Variants in PUM1 observed in about 807,000 individuals in gnomAD.
PUM1 encodes pumilio RNA binding family member 1, also known as pumilio homolog 1.
In PUM1, 13 loss-of-function variants were observed where a neutral mutation model predicts 131.8. The observed-to-expected ratio is 0.10, with a 90% CI of 0.06 to 0.16. The LOEUF (loss-of-function observed/expected upper bound fraction) is 0.16, where lower values mean the gene tolerates loss of function less well. Ranked by LOEUF, PUM1 falls within the 10% of genes least tolerant of loss-of-function variation. PUM1 has a pLI of 1.00. For synonymous variants in PUM1, 509 were observed against 556.5 expected (o/e 0.91, Z 1.20); for missense variants, 961 against 1,512.4 (o/e 0.64, Z 6.05).
intron 21 of PUM1, among the ~76,000 whole-genome samples, chr1:30,933,756 G>A (rs1162552541): frequency 1.3e-5 from 2 of 152,224 alleles, no homozygotes; most frequent in Non-Finnish European, 2.9e-5. Flanking sequence ...CGGCATCCAG[G>A]CTCTCCTGAG....
intron 3 of PUM1, among the ~76,000 whole-genome samples, chr1:31,011,988 C>T (rs1642636026): frequency 6.6e-6 from 1 of 152,122 alleles, no homozygotes; most frequent in African/African-American, 2.4e-5. Flanking sequence ...CATTTAAGGG[C>T]AGGGCATATG....
At chr1:30,996,387 G>A (rs994558104) in intron 5 of PUM1, among the ~76,000 whole-genome samples, 3 of 152,140 alleles carry the variant, frequency 2.0e-5, no homozygotes, top group Non-Finnish European at 2.9e-5. Context: ...GCAGACACTC[G>A]GTTATAAATA....
At chr1:31,016,255 T>C (rs1282450085) in intron 3 of PUM1, among the ~76,000 whole-genome samples, 1 of 152,170 alleles carries the variant, frequency 6.6e-6, no homozygotes, top group African/African-American at 2.4e-5. Context: ...TTCCAAAACA[T>C]TTCTGGCCCC....
chr1:31,017,524 CTTT>C (rs747554543), intron 3 of PUM1, among the ~76,000 whole-genome samples: 1 of 145,080 alleles, frequency 6.9e-6, no homozygotes. Flanking sequence ...TTTTTTTCTT[CTTT>C]TTTTTTTTTA....
intron 2 of PUM1, among the ~76,000 whole-genome samples, chr1:31,035,461 C>A (rs374558431): frequency 1.3e-5 from 2 of 151,720 alleles, no homozygotes; most frequent in East Asian, 3.9e-4. Flanking sequence ...GGAAGCAAAG[C>A]AAGAAGTTGG....
chr1:30,952,478 G>C, intron 15 of PUM1, 115 bp from the exon 16 acceptor site: 3 of 1,436,750 alleles, frequency 2.1e-6, no homozygotes, highest in Non-Finnish European at 2.8e-6. Context: ...GAGCATGTGT[G>C]CACACACATG....
chr1:31,018,440 G>C (rs1642902055), intron 3 of PUM1, among the ~76,000 whole-genome samples: 1 of 152,120 alleles, frequency 6.6e-6, no homozygotes, highest in South Asian at 2.1e-4. Flanking sequence ...TGGATCACCT[G>C]AGGTCAGGAG....
chr1:30,937,069 C>G (rs1432953699), intron 20 of PUM1, among the ~76,000 whole-genome samples: 2 of 152,122 alleles, frequency 1.3e-5, no homozygotes, highest in African/African-American at 4.8e-5. Flanking sequence ...CAGATTTTTT[C>G]TCCAATCCAC....
chr1:30,993,989 G>T (rs970755197), intron 6 of PUM1, among the ~76,000 whole-genome samples: 1 of 152,194 alleles, frequency 6.6e-6, no homozygotes, highest in Non-Finnish European at 1.5e-5. Context: ...AAGACTGCTT[G>T]AACTCAGGAG....
At chr1:30,968,106 G>T in intron 11 of PUM1, 2 of 656,482 alleles carry the variant, frequency 3.0e-6, no homozygotes, top group South Asian at 1.4e-5. Context: ...AATCCACCAA[G>T]GAAAAACCAC....
chr1:31,023,152 T>C (rs777401474), intron 3 of PUM1, among the ~76,000 whole-genome samples: 4 of 150,500 alleles, frequency 2.7e-5, no homozygotes, highest in Non-Finnish European at 5.9e-5. Flanking sequence ...CCAGCGTGGG[T>C]GACAGAGTGA....
intron 7 of PUM1, among the ~76,000 whole-genome samples, chr1:30,988,079 T>C (rs1405853398): frequency 1.3e-5 from 2 of 152,260 alleles, no homozygotes; most frequent in African/African-American, 4.8e-5. Flanking sequence ...TCCTACTTTA[T>C]ACATTTTAAA....
intron 3 of PUM1, among the ~76,000 whole-genome samples, chr1:31,020,903 T>C (rs1202610887): frequency 6.6e-6 from 1 of 152,206 alleles, no homozygotes; most frequent in East Asian, 1.9e-4. Context: ...TATGGTTCCT[T>C]ATTAGCAAGG....
chr1:30,971,485 A>G (rs1640870181), intron 10 of PUM1, among the ~76,000 whole-genome samples: 1 of 152,218 alleles, frequency 6.6e-6, no homozygotes, highest in South Asian at 2.1e-4. Flanking sequence ...TTATAACAAA[A>G]ATATATGCAT....
At chr1:30,948,168 T>C (rs1639761398) in intron 17 of PUM1, among the ~76,000 whole-genome samples, 1 of 152,054 alleles carries the variant, frequency 6.6e-6, no homozygotes, top group Non-Finnish European at 1.5e-5. Flanking sequence ...TAATTTACTC[T>C]GAAAATACAA....
chr1:31,062,964 C>T (rs1644401910), intron 1 of PUM1, among the ~76,000 whole-genome samples: 1 of 152,204 alleles, frequency 6.6e-6, no homozygotes, highest in African/African-American at 2.4e-5. Context: ...CCATCAGAAC[C>T]TTAGCAGGGT....
At chr1:30,978,769 C>T (rs1170966842) in intron 9 of PUM1, among the ~76,000 whole-genome samples, 1 of 152,084 alleles carries the variant, frequency 6.6e-6, no homozygotes, top group Admixed American at 6.6e-5. Flanking sequence ...AACAAAGATG[C>T]CTGTCTTTTA....
At chr1:30,977,070 G>A (rs1438231840) in intron 9 of PUM1, among the ~76,000 whole-genome samples, 1 of 152,208 alleles carries the variant, frequency 6.6e-6, no homozygotes, top group Non-Finnish European at 1.5e-5. Flanking sequence ...GTGTCCAAGA[G>A]TTATCTTGGG....
intron 2 of PUM1, among the ~76,000 whole-genome samples, chr1:31,033,402 T>C (rs1021471529): frequency 7.7e-6 from 1 of 130,500 alleles, no homozygotes; most frequent in African/African-American, 3.0e-5. Flanking sequence ...TTTTTTTTTT[T>C]TGAGACGGAG....
Sources: gnomAD v4.1 joint callset for allele counts (sites outside exome capture counted in the v4.1 genomes callset) on GRCh38, gnomAD v4.1.1 for gene constraint, MANE v1.5 for transcripts, NCBI Gene and HGNC (gene_info 2026-07-23, HGNC 2026-07-21) for gene names.